CDH18: variants seen among roughly 807,000 people sequenced by gnomAD.
CDH18 encodes cadherin 18.
In CDH18, 31 loss-of-function variants were observed where a neutral mutation model predicts 67.9. That is an observed-to-expected ratio of 0.46 (90% CI 0.34 to 0.62). The LOEUF (loss-of-function observed/expected upper bound fraction) is 0.62. Among genes scored for constraint, CDH18 ranks in the 20% least tolerant of loss-of-function variants. The pLI is 0.01. For missense variants in CDH18, 890 were observed against 975.5 expected (o/e 0.91, Z 1.17); for synonymous variants, 362 against 347.2 (o/e 1.04, Z -0.48).
intron 3 of CDH18, among the ~76,000 whole-genome samples, chr5:19,774,679 G>A (rs1365442126): frequency 6.0e-5 from 9 of 150,140 alleles, no homozygotes; most frequent in Admixed American, 4.7e-4. Flanking sequence ...AAAATTAGCC[G>A]TGTGGGGTGG....
At chr5:19,937,137 T>C (rs1213917096) in intron 2 of CDH18, among the ~76,000 whole-genome samples, 1 of 151,402 alleles carries the variant, frequency 6.6e-6, no homozygotes, top group African/African-American at 2.4e-5. Flanking sequence ...ATTATATCCT[T>C]CATGTTTACA....
intron 1 of CDH18, among the ~76,000 whole-genome samples, chr5:20,340,547 C>G (rs1297160691): frequency 6.6e-6 from 1 of 152,158 alleles, no homozygotes; most frequent in African/African-American, 2.4e-5. Context: ...TGTTGGGGAC[C>G]ACTGGAAGGC....
intron 8 of CDH18, among the ~76,000 whole-genome samples, chr5:19,552,252 C>T (rs376071878): frequency 1.3e-5 from 2 of 151,986 alleles, no homozygotes; most frequent in East Asian, 3.9e-4. Flanking sequence ...TTGGCTTATT[C>T]CCTCTTTCAT....
intron 2 of CDH18, among the ~76,000 whole-genome samples, chr5:20,239,233 T>C (rs1315008643): frequency 2.0e-5 from 3 of 152,128 alleles, no homozygotes; most frequent in African/African-American, 2.4e-5. Flanking sequence ...GGCAGGCAGA[T>C]TGCCTGAGCT....
chr5:20,095,589 G>GAAGAAAGA (rs775835944), intron 2 of CDH18, among the ~76,000 whole-genome samples: 24,771 of 141,716 alleles, frequency 0.17, 3,820 homozygotes, highest in African/African-American at 0.37. Context: ...AGGAAGAAAG[G>GAAGAAAGA]AAGAAAGAAG....
intron 1 of CDH18, among the ~76,000 whole-genome samples, chr5:20,558,184 G>A (rs1224109447): frequency 1.3e-5 from 2 of 152,000 alleles, no homozygotes; most frequent in East Asian, 1.9e-4. Flanking sequence ...GGAAGATTTA[G>A]CATTTTCTAT....
chr5:19,993,381 T>A (rs4466171), intron 2 of CDH18, among the ~76,000 whole-genome samples: 3,390 of 152,238 alleles, frequency 0.022, 50 homozygotes, highest in Non-Finnish European at 0.03. Flanking sequence ...TGTGGTGCTA[T>A]TACTATCTCT....
chr5:20,028,662 T>C (rs142987530), intron 2 of CDH18, among the ~76,000 whole-genome samples: 5 of 152,164 alleles, frequency 3.3e-5, no homozygotes, highest in African/African-American at 1.2e-4. Context: ...ACAATCACTT[T>C]GTATTGGGCA....
intron 1 of CDH18, among the ~76,000 whole-genome samples, chr5:20,372,016 A>C (rs1172906641): frequency 2.0e-5 from 3 of 152,208 alleles, no homozygotes; most frequent in Non-Finnish European, 2.9e-5. Context: ...TTAATGAGGA[A>C]GGTGATATTG....
At chr5:19,746,231 T>C (rs1769982679) in intron 4 of CDH18, among the ~76,000 whole-genome samples, 1 of 152,102 alleles carries the variant, frequency 6.6e-6, no homozygotes, top group Non-Finnish European at 1.5e-5. Context: ...CCCAGATCAT[T>C]AGGGTGGCTC....
chr5:19,819,286 A>G (rs186106166), intron 3 of CDH18, among the ~76,000 whole-genome samples: 1 of 152,294 alleles, frequency 6.6e-6, no homozygotes, highest in East Asian at 1.9e-4. Context: ...ACATATCAAA[A>G]TACTTGGGCT....
At chr5:19,915,614 G>C (rs1791682138) in intron 2 of CDH18, among the ~76,000 whole-genome samples, 1 of 152,050 alleles carries the variant, frequency 6.6e-6, no homozygotes, top group Non-Finnish European at 1.5e-5. Flanking sequence ...GAAAGAAAAT[G>C]TTATTGAGAA....
At chr5:20,455,096 T>C (rs1750748825) in intron 1 of CDH18, among the ~76,000 whole-genome samples, 1 of 151,580 alleles carries the variant, frequency 6.6e-6, no homozygotes, top group Non-Finnish European at 1.5e-5. Context: ...AAAATCCCTA[T>C]TCCTCTATTT....
At chr5:20,090,244 C>T (rs1360851125) in intron 2 of CDH18, among the ~76,000 whole-genome samples, 1 of 152,022 alleles carries the variant, frequency 6.6e-6, no homozygotes, top group Admixed American at 6.6e-5. Context: ...GTATAAAAAA[C>T]AGTAAATGTG....
At chr5:20,042,292 A>G (rs1740494367) in intron 2 of CDH18, among the ~76,000 whole-genome samples, 1 of 152,236 alleles carries the variant, frequency 6.6e-6, no homozygotes, top group African/African-American at 2.4e-5. Flanking sequence ...TCAAGACTGA[A>G]AATCTCAGAA....
intron 1 of CDH18, among the ~76,000 whole-genome samples, chr5:20,400,669 C>T (rs989017863): frequency 2.0e-5 from 3 of 149,998 alleles, no homozygotes; most frequent in Admixed American, 6.6e-5. Flanking sequence ...GGCTGAGGCA[C>T]GATAATTGTT....
At chr5:20,275,798 T>C (rs1745765961) in intron 1 of CDH18, among the ~76,000 whole-genome samples, 1 of 152,118 alleles carries the variant, frequency 6.6e-6, no homozygotes, top group Non-Finnish European at 1.5e-5. Flanking sequence ...CTGAATGGGA[T>C]AGGAAAGACA....
intron 2 of CDH18, among the ~76,000 whole-genome samples, chr5:20,200,316 C>T (rs1739346818): frequency 2.0e-5 from 3 of 152,120 alleles, no homozygotes; most frequent in South Asian, 4.1e-4. Context: ...CTTTTGCTTA[C>T]AAACTATGTG....
chr5:20,212,766 G>A (rs989081023), intron 2 of CDH18, among the ~76,000 whole-genome samples: 4 of 151,828 alleles, frequency 2.6e-5, no homozygotes, highest in African/African-American at 9.7e-5. Context: ...TATCTTTTGA[G>A]TCTTCCACAA....
Sources: gnomAD v4.1 joint callset for allele counts (sites outside exome capture counted in the v4.1 genomes callset) on GRCh38, gnomAD v4.1.1 for gene constraint, MANE v1.5 for transcripts, NCBI Gene and HGNC (gene_info 2026-07-23, HGNC 2026-07-21) for gene names.